The following CLTCL1 variants were observed in gnomAD, a reference collection of about 807,000 sequenced individuals.
CLTCL1 encodes the protein clathrin heavy chain 2.
Under a neutral mutation model 190.0 loss-of-function variants are expected in CLTCL1, and 159 were observed. That is an observed-to-expected ratio of 0.84 (90% CI 0.74 to 0.95). The LOEUF is 0.95. CLTCL1 is among the 40% of genes least tolerant of loss of function. The pLI is 0.00. For missense variants in CLTCL1, 1,878 were observed against 2,033.4 expected (o/e 0.92, Z 1.47); for synonymous variants, 752 against 769.6 (o/e 0.98, Z 0.38).
chr22:19,275,841 A>G lies in CLTCL1; in HGVS notation c.43-11T>C. 4 of 1,574,898 alleles carry G rather than the reference A, an allele frequency of 2.5e-6. No homozygotes were observed. Among genetic ancestry groups the G allele is most frequent in the Non-Finnish European group, 3.5e-6 (4 of 1,159,374 alleles). ...TCCAAGGTTTTGGAGCTAAACAGAAAAAAAGCATTTGATTAAATTTTTTTC... is the reference window on the plus strand; with the variant it reads ...TCCAAGGTTTTGGAGCTAAACAGAAGAAAAGCATTTGATTAAATTTTTTTC... On this transcript the variant is annotated splice_polypyrimidine_tract_variant and intron_variant, in intron 1 of 32. Coordinates refer to ENST00000427926, the MANE Select transcript of CLTCL1 (RefSeq NM_007098.4).
chr22:19,214,837 TG>T (rs1354879932), intron 19 of CLTCL1, among the ~76,000 whole-genome samples: 1 of 152,116 alleles, frequency 6.6e-6, no homozygotes, highest in Admixed American at 6.6e-5. Context: ...CCTGCCATCA[TG>T]CCTGGCTGAA....
chr22:19,277,904 C>T (rs1569253799), intron 1 of CLTCL1, among the ~76,000 whole-genome samples: 1 of 152,226 alleles, frequency 6.6e-6, no homozygotes, highest in East Asian at 1.9e-4. Flanking sequence ...AGGCTGTGGC[C>T]TGTACTTCTG....
intron 3 of CLTCL1, among the ~76,000 whole-genome samples, chr22:19,252,781 A>G (rs575166594): frequency 4.3e-4 from 66 of 152,280 alleles, no homozygotes; most frequent in Admixed American, 2.0e-3. Context: ...TTGGGAGGCC[A>G]AGGCGGGCGG....
intron 1 of CLTCL1, among the ~76,000 whole-genome samples, chr22:19,284,968 A>T (rs2087852063): frequency 6.7e-6 from 1 of 148,858 alleles, no homozygotes; most frequent in African/African-American, 2.5e-5. Context: ...AAAATAAAAT[A>T]AAAAACACAT....
chr22:19,230,037 A>T (rs550296151), intron 10 of CLTCL1, 62 bp from the exon 11 acceptor site: 2 of 1,422,660 alleles, frequency 1.4e-6, no homozygotes, highest in East Asian at 5.3e-5. Context: ...TCATTTTCCT[A>T]TTGAAATAGT....
In CLTCL1 at chr22:19,210,313, C is replaced by T; in HGVS notation, c.3249+13G>A. ...AGGTGCTAGGTCCGACATGCTTACA[C>T]TCAGCAGCCCACCTGGATTGCTGAG... is the stretch of plus-strand genomic sequence containing the variant. On this transcript the variant is annotated intron_variant, in intron 20 of 32. Coordinates refer to ENST00000427926, the MANE Select transcript of CLTCL1 (RefSeq NM_007098.4). The T allele has an allele frequency of 6.2e-7, 1 of 1,612,092 alleles. No homozygotes were observed. Among genetic ancestry groups the T allele is most frequent in the Non-Finnish European group, 8.5e-7 (1 of 1,178,476 alleles).
At chr22:19,230,445 G>A (rs1230347085) in intron 10 of CLTCL1, among the ~76,000 whole-genome samples, 1 of 152,064 alleles carries the variant, frequency 6.6e-6, no homozygotes, top group East Asian at 1.9e-4. Flanking sequence ...CATACAGCCA[G>A]GTGTGGTGGC....
At chr22:19,216,748 T>C (rs2085397193) in intron 18 of CLTCL1, among the ~76,000 whole-genome samples, 1 of 152,222 alleles carries the variant, frequency 6.6e-6, no homozygotes, top group Non-Finnish European at 1.5e-5. Context: ...AGACTGGCTG[T>C]GCCACCCCTC....
chr22:19,234,770 T>C, intron 6 of CLTCL1, 64 bp from the exon 7 acceptor site: 5 of 1,395,442 alleles, frequency 3.6e-6, no homozygotes, highest in South Asian at 2.5e-5. Flanking sequence ...CCCTCTGCCA[T>C]GTTCCCTTCC....
chr22:19,237,254 C>T (rs1195778583), intron 5 of CLTCL1, among the ~76,000 whole-genome samples: 1 of 151,996 alleles, frequency 6.6e-6, no homozygotes, highest in Non-Finnish European at 1.5e-5. Context: ...GCAGGAAGAT[C>T]GCTCGAGGCC....
At chr22:19,227,518 C>G (rs1232728922) in intron 11 of CLTCL1, among the ~76,000 whole-genome samples, 2 of 150,490 alleles carry the variant, frequency 1.3e-5, no homozygotes, top group Admixed American at 6.6e-5. Context: ...TGGCATGACC[C>G]CACCCTGCTC....
chr22:19,210,597 A>C (rs1555946179), intron 19 of CLTCL1, 88 bp from the exon 20 acceptor site: 2 of 1,131,976 alleles, frequency 1.8e-6, no homozygotes, highest in Non-Finnish European at 1.2e-6. Context: ...CCAGACCCCC[A>C]GTTTTTTTAA....
At chr22:19,276,692 C>T (rs1464807139) in intron 1 of CLTCL1, among the ~76,000 whole-genome samples, 2 of 152,072 alleles carry the variant, frequency 1.3e-5, no homozygotes, top group African/African-American at 2.4e-5. Flanking sequence ...TTTTTTGAGC[C>T]GGAGTCTCGC....
intron 13 of CLTCL1, among the ~76,000 whole-genome samples, 168 bp downstream of exon 13, chr22:19,225,285 C>T (rs2085704218): frequency 6.6e-6 from 1 of 152,232 alleles, no homozygotes; most frequent in Non-Finnish European, 1.5e-5. Flanking sequence ...TGAGGGTGCA[C>T]ATGAGATGGC....
chr22:19,253,131 T>C (rs1329218140), intron 3 of CLTCL1, among the ~76,000 whole-genome samples: 1 of 152,118 alleles, frequency 6.6e-6, no homozygotes, highest in Non-Finnish European at 1.5e-5. Context: ...TTCTTTTTTT[T>C]CCCATAAAAT....
chr22:19,245,823 G>T (rs2086401143), intron 3 of CLTCL1, among the ~76,000 whole-genome samples: 1 of 152,140 alleles, frequency 6.6e-6, no homozygotes, highest in Non-Finnish European at 1.5e-5. Context: ...TTACCTATGT[G>T]TAGCATGTAT....
chr22:19,212,379 G>T (rs1555947234), intron 19 of CLTCL1, among the ~76,000 whole-genome samples: 1 of 147,124 alleles, frequency 6.8e-6, no homozygotes, highest in African/African-American at 2.5e-5. Context: ...GGGCAATATG[G>T]CAAGACCCTG....
chr22:19,212,060 T>C (rs1328550905), intron 19 of CLTCL1, among the ~76,000 whole-genome samples: 4 of 152,116 alleles, frequency 2.6e-5, no homozygotes, highest in Non-Finnish European at 1.5e-5. Flanking sequence ...AAACTGCTGA[T>C]GAAAGAAATC....
chr22:19,188,152 G>C, intron 27 of CLTCL1, 61 bp from the exon 28 acceptor site: 1 of 1,485,848 alleles, frequency 6.7e-7, no homozygotes, highest in Non-Finnish European at 9.4e-7. Flanking sequence ...ACACTAGGCA[G>C]GGGCACAGGT....
Sources: allele counts gnomAD v4.1 joint callset (sites outside exome capture counted in the v4.1 genomes callset), GRCh38; gene constraint gnomAD v4.1.1; transcripts MANE v1.5; gene names NCBI Gene and HGNC (gene_info 2026-07-23, HGNC 2026-07-21).